TG: variants seen among roughly 807,000 people sequenced by gnomAD.
The protein encoded by TG is thyroid hormones.
Under a neutral mutation model 324.7 loss-of-function variants are expected in TG, and 270 were observed. The observed-to-expected ratio is 0.83, with a 90% CI of 0.75 to 0.92. TG has a LOEUF of 0.92. TG is among the 40% of genes least tolerant of loss of function. TG has a pLI of 0.00. For synonymous variants in TG, 1,401 were observed against 1,327.0 expected (o/e 1.06, Z -1.21); for missense variants, 3,591 against 3,456.4 (o/e 1.04, Z -0.98).
intron 34 of TG, among the ~76,000 whole-genome samples, chr8:132,979,331 G>A (rs1830547999): frequency 6.6e-6 from 1 of 152,186 alleles, no homozygotes; most frequent in South Asian, 2.1e-4. Context: ...AAAGTCAAAT[G>A]TGACTTCTAG....
rs1370303930 is a variant in TG at position 132,898,222 on chromosome 8, G to A, written c.3193G>A (p.Ala1065Thr). The change falls in exon 13 of 48, where the codon GCC becomes ACC. Residue 1065 changes from alanine (A) to threonine (T), a missense_variant. Physicochemically the swap from Ala to Thr is moderately conservative, Grantham distance 58. Coordinates refer to ENST00000220616, the MANE Select transcript of TG (RefSeq NM_003235.5). Reference sequence around the variant, plus strand: ...AGGGTTCATCCCTGGCTCACTGACTGCCCGCTCTCTGCAGATTCCACAGTG... The same window carrying A: ...AGGGTTCATCCCTGGCTCACTGACTACCCGCTCTCTGCAGATTCCACAGTG... ...KGGFIPGSLT[A>T]RSLQIPQCPT... is the part of the protein sequence containing the mutation. 2.5e-6 allele frequency: 4 copies of A among 1,603,852 alleles called. No individual in the cohort carries two copies. The highest frequency in any genetic ancestry group is 8.5e-7 in the Non-Finnish European group (1 of 1,175,400).
chr8:133,013,582 T>C lies in TG; in HGVS notation c.6398-18T>C, dbSNP rs374604511. On this transcript the variant is annotated intron_variant, in intron 36 of 47. Coordinates refer to ENST00000220616, the MANE Select transcript of TG (RefSeq NM_003235.5). ...ATCTCTGAGGCCCAAGCATCACTCTTCTCCCTCTTTTCTGCAGAATGTTCC... is the reference window on the plus strand; with the variant it reads ...ATCTCTGAGGCCCAAGCATCACTCTCCTCCCTCTTTTCTGCAGAATGTTCC... 138 of 1,613,906 alleles carry C rather than the reference T, an allele frequency of 8.6e-5. No individual in the cohort carries two copies. The highest frequency in any genetic ancestry group is 3.3e-4 in the Admixed American group (20 of 60,000).
chr8:133,075,766 A>C (rs1438314575), intron 41 of TG, among the ~76,000 whole-genome samples: 1 of 152,084 alleles, frequency 6.6e-6, no homozygotes, highest in Non-Finnish European at 1.5e-5. Context: ...CACCAACCTA[A>C]TACATCTACA....
At chr8:132,988,349 G>A (rs1375121829) in intron 35 of TG, among the ~76,000 whole-genome samples, 1 of 152,174 alleles carries the variant, frequency 6.6e-6, no homozygotes, top group Non-Finnish European at 1.5e-5. Context: ...ATGTGTGGAA[G>A]CATGGGGACA....
At chr8:133,082,372 G>A (rs1845884750) in intron 41 of TG, among the ~76,000 whole-genome samples, 1 of 152,216 alleles carries the variant, frequency 6.6e-6, no homozygotes, top group Non-Finnish European at 1.5e-5. Context: ...GGGACGGAGG[G>A]CAGGAGAGAC....
chr8:133,083,088 A>G (rs1055075178), intron 41 of TG, among the ~76,000 whole-genome samples: 2 of 152,316 alleles, frequency 1.3e-5, no homozygotes, highest in East Asian at 3.9e-4. Context: ...TGGCCAAAAC[A>G]ATATTTCAAT....
At chr8:132,893,410 GGTGTGGTGTGTGTATGT>G (rs1816605241) in intron 10 of TG, among the ~76,000 whole-genome samples, 1 of 130,024 alleles carries the variant, frequency 7.7e-6, no homozygotes, top group African/African-American at 2.9e-5. Flanking sequence ...GTATGTGTGT[GGTGTGGTGTGTGTATGT>G]GTGTGGTGTG....
chr8:132,886,395 G>T, intron 8 of TG, 53 bp from the exon 9 acceptor site: 1 of 1,611,564 alleles, frequency 6.2e-7, no homozygotes, highest in Middle Eastern at 1.7e-4. Context: ...AGCTGTCTCA[G>T]GATTGCTTGT....
At chr8:132,973,373 A>G (rs1829787170) in intron 34 of TG, among the ~76,000 whole-genome samples, 1 of 152,152 alleles carries the variant, frequency 6.6e-6, no homozygotes, top group Non-Finnish European at 1.5e-5. Context: ...CTTCAGGGCC[A>G]AGGCAGCATT....
intron 40 of TG, among the ~76,000 whole-genome samples, chr8:133,028,540 C>T (rs912783337): frequency 6.6e-6 from 1 of 152,204 alleles, no homozygotes; most frequent in African/African-American, 2.4e-5. Flanking sequence ...AAGTAATCTT[C>T]CATAGTGCTT....
At chr8:133,113,313 A>G in intron 43 of TG, 109 bp from the exon 44 acceptor site, 2 of 1,266,296 alleles carry the variant, frequency 1.6e-6, no homozygotes, top group East Asian at 2.3e-5. Context: ...GTTTAATGCC[A>G]TGCCCCACTG....
At chr8:133,034,017 CA>C (rs1836865070) in intron 41 of TG, among the ~76,000 whole-genome samples, 1 of 152,202 alleles carries the variant, frequency 6.6e-6, no homozygotes, top group Non-Finnish European at 1.5e-5. Context: ...GGTTTGGACT[CA>C]GAACACTGTT....
intron 41 of TG, among the ~76,000 whole-genome samples, chr8:133,053,190 C>T (rs543738594): frequency 4.2e-4 from 64 of 152,282 alleles, no homozygotes; most frequent in African/African-American, 1.5e-3. Flanking sequence ...GCTCAGCCTT[C>T]CTGCTGTACT....
chr8:132,871,221 C>T (rs370520500), intron 3 of TG, 127 bp from the exon 4 acceptor site: 70 of 930,940 alleles, frequency 7.5e-5, no homozygotes, highest in Middle Eastern at 2.5e-4. Context: ...CCCATCACTG[C>T]GTGTCCTTGG....
At chr8:133,078,292 T>C (rs903338651) in intron 41 of TG, among the ~76,000 whole-genome samples, 2 of 152,154 alleles carry the variant, frequency 1.3e-5, no homozygotes, top group Admixed American at 6.5e-5. Flanking sequence ...CAGTTTGCTG[T>C]CAAGAACTGG....
In TG at chr8:132,898,926, C is replaced by T. The variant is rs1010561408; in HGVS notation, c.3330+16C>T. ...CTGCCTAGAAGTAAGGGTCTGGAAG[C>T]ACAGGATTGGAGCCGGGACTTGTCC... On this transcript the variant is annotated intron_variant, in intron 14 of 47. Transcript: ENST00000220616. The T allele has an allele frequency of 6.2e-7, 1 of 1,606,678 alleles. No homozygotes were observed. Among genetic ancestry groups the T allele is most frequent in the Non-Finnish European group, 8.5e-7 (1 of 1,174,128 alleles).
intron 6 of TG, 28 bp from the exon 7 acceptor site, chr8:132,882,441 C>G: frequency 6.2e-7 from 1 of 1,614,084 alleles, no homozygotes; most frequent in Non-Finnish European, 8.5e-7. Context: ...ATGAGACCAT[C>G]TCTGAAAGTC....
intron 27 of TG, among the ~76,000 whole-genome samples, chr8:132,954,493 T>C (rs1826568184): frequency 6.6e-6 from 1 of 152,144 alleles, no homozygotes; most frequent in African/African-American, 2.4e-5. Context: ...TGTACTTAAT[T>C]CCCTGGATCA....
At chr8:132,965,240 A>G (rs1828377209) in intron 29 of TG, among the ~76,000 whole-genome samples, 1 of 152,186 alleles carries the variant, frequency 6.6e-6, no homozygotes, top group African/African-American at 2.4e-5. Flanking sequence ...CCATCATACA[A>G]TCACATGAGA....
Sources: gnomAD v4.1 joint callset for allele counts (sites outside exome capture counted in the v4.1 genomes callset) on GRCh38, gnomAD v4.1.1 for gene constraint, MANE v1.5 for transcripts, NCBI Gene and HGNC (gene_info 2026-07-23, HGNC 2026-07-21) for gene names.